The following AFG2A variants were observed in gnomAD, a reference collection of about 807,000 sequenced individuals.
The protein encoded by AFG2A is AAA ATPase AFG2A.
chr4:123,169,364 G>A, the AFG2A span, among the ~76,000 whole-genome samples: 1 of 152,174 alleles, frequency 6.6e-6, no homozygotes, highest in Non-Finnish European at 1.5e-5. Context: ...CCTACGGCAT[G>A]CCTATATTTT....
the AFG2A span, among the ~76,000 whole-genome samples, chr4:123,106,259 A>G: frequency 6.6e-6 from 1 of 152,208 alleles, no homozygotes; most frequent in Admixed American, 6.5e-5. Context: ...TCCCCCATAC[A>G]TATTGGTATT....
the AFG2A span, among the ~76,000 whole-genome samples, chr4:122,963,975 A>G: frequency 8.5e-5 from 13 of 152,100 alleles, no homozygotes; most frequent in African/African-American, 2.7e-4. Flanking sequence ...GCCCTGACTT[A>G]GTCTACCCAG....
At chr4:122,939,464 C>T in the AFG2A span, among the ~76,000 whole-genome samples, 1 of 152,138 alleles carries the variant, frequency 6.6e-6, no homozygotes, top group Non-Finnish European at 1.5e-5. Context: ...TAGGCATGAA[C>T]AAAAATTTTC....
the AFG2A span, among the ~76,000 whole-genome samples, chr4:123,201,452 A>G: frequency 6.6e-6 from 1 of 152,240 alleles, no homozygotes; most frequent in African/African-American, 2.4e-5. Flanking sequence ...CTACAAATAT[A>G]TTAAGCTTGA....
At chr4:122,999,025 C>T in the AFG2A span, among the ~76,000 whole-genome samples, 2 of 151,798 alleles carry the variant, frequency 1.3e-5, no homozygotes, top group South Asian at 2.1e-4. Flanking sequence ...GAGATGGTAT[C>T]TCATTGTGGT....
the AFG2A span, among the ~76,000 whole-genome samples, chr4:123,285,772 T>C: frequency 6.6e-6 from 1 of 152,164 alleles, no homozygotes; most frequent in Non-Finnish European, 1.5e-5. Flanking sequence ...CTTACCTGTG[T>C]GTGATGTTGA....
At chr4:122,946,706 T>C in the AFG2A span, among the ~76,000 whole-genome samples, 1 of 152,196 alleles carries the variant, frequency 6.6e-6, no homozygotes, top group Non-Finnish European at 1.5e-5. Context: ...TGGATATTGG[T>C]TATATTGTTG....
chr4:123,075,489 G>A, the AFG2A span, among the ~76,000 whole-genome samples: 2 of 151,820 alleles, frequency 1.3e-5, no homozygotes, highest in Admixed American at 6.6e-5. Flanking sequence ...TAGTAAAGGC[G>A]GGGTTTCACC....
chr4:123,248,140 T>C, the AFG2A span, among the ~76,000 whole-genome samples: 2 of 152,328 alleles, frequency 1.3e-5, no homozygotes, highest in South Asian at 2.1e-4. Flanking sequence ...TAGTTAAGAC[T>C]TTTTTATTCA....
chr4:123,037,406 T>TA, the AFG2A span, among the ~76,000 whole-genome samples: 1 of 152,092 alleles, frequency 6.6e-6, no homozygotes, highest in African/African-American at 2.4e-5. Flanking sequence ...GTAATGCTAT[T>TA]AAAAATAACT....
chr4:123,077,519 A>C, the AFG2A span, among the ~76,000 whole-genome samples: 1 of 152,176 alleles, frequency 6.6e-6, no homozygotes, highest in African/African-American at 2.4e-5. Context: ...GAATGACTTC[A>C]TTATTCACAG....
chr4:123,118,738 A>G, the AFG2A span, among the ~76,000 whole-genome samples: 4 of 152,034 alleles, frequency 2.6e-5, no homozygotes, highest in African/African-American at 9.7e-5. Flanking sequence ...TGGTGATTCT[A>G]CCATTTTTTA....
At chr4:122,952,227 G>A in the AFG2A span, among the ~76,000 whole-genome samples, 1 of 152,144 alleles carries the variant, frequency 6.6e-6, no homozygotes, top group East Asian at 1.9e-4. Flanking sequence ...AGGCGCATAT[G>A]TATGTCTCTG....
At chr4:123,222,414 G>C in the AFG2A span, among the ~76,000 whole-genome samples, 1 of 152,136 alleles carries the variant, frequency 6.6e-6, no homozygotes, top group Admixed American at 6.6e-5. Context: ...TGTAGCTGCT[G>C]ATGAAAAATG....
the AFG2A span, among the ~76,000 whole-genome samples, chr4:123,120,249 G>A: frequency 0.088 from 13,333 of 151,984 alleles, 767 homozygotes; most frequent in Middle Eastern, 0.2. Context: ...GAGTTTCTCC[G>A]GTGAATCATT....
At chr4:123,102,437 G>A in the AFG2A span, 5 of 151,916 alleles carry the variant, frequency 3.3e-5, no homozygotes, top group South Asian at 4.2e-4. Flanking sequence ...AACTTGTTGA[G>A]CAGCATATTT....
At chr4:123,256,470 G>T in the AFG2A span, among the ~76,000 whole-genome samples, 1 of 152,182 alleles carries the variant, frequency 6.6e-6, no homozygotes, top group Non-Finnish European at 1.5e-5. Flanking sequence ...CTTCCACTGG[G>T]CTTCTTAATA....
chr4:123,065,062 A>T, the AFG2A span, among the ~76,000 whole-genome samples: 1 of 152,202 alleles, frequency 6.6e-6, no homozygotes, highest in African/African-American at 2.4e-5. Flanking sequence ...TATAGAGCAG[A>T]TACCCTGAGC....
the AFG2A span, among the ~76,000 whole-genome samples, chr4:123,154,153 A>G: frequency 4.6e-5 from 7 of 152,156 alleles, no homozygotes; most frequent in Admixed American, 6.5e-5. Flanking sequence ...GAATCCATTC[A>G]CTAGATGGAA....
Sources: allele counts gnomAD v4.1 joint callset (sites outside exome capture counted in the v4.1 genomes callset), GRCh38; gene constraint gnomAD v4.1.1; transcripts MANE v1.5; gene names NCBI Gene and HGNC (gene_info 2026-07-23, HGNC 2026-07-21).